The following TPTE2 variants were observed in gnomAD, a reference collection of about 807,000 sequenced individuals.
The protein encoded by TPTE2 is phosphatidylinositol 3,4,5-trisphosphate 3-phosphatase TPTE2.
Under a neutral mutation model 78.6 loss-of-function variants are expected in TPTE2, and 53 were observed. That is an observed-to-expected ratio of 0.67 (90% confidence interval 0.54 to 0.85). The LOEUF (loss-of-function observed/expected upper bound fraction) is 0.85. Among genes scored for constraint, TPTE2 ranks in the 40% least tolerant of loss-of-function variants. The pLI is 0.00. For missense variants in TPTE2, 461 were observed against 623.0 expected, an observed-to-expected ratio of 0.74 and a Z score of 2.77; for synonymous variants, 175 against 206.2, an observed-to-expected ratio of 0.85 and a Z score of 1.30.
At chr13:19,541,583 G>A (rs1224836026), upstream of TPTE2, among the ~76,000 whole-genome samples, 1 of 152,144 alleles carries the variant, frequency 6.6e-6, no homozygotes, top group Non-Finnish European at 1.5e-5. Context: ...TAGGCTTTTT[G>A]TAAATGCCAC....
chr13:19,538,574 G>A (rs537278569), upstream of TPTE2, among the ~76,000 whole-genome samples: 1 of 150,468 alleles, frequency 6.6e-6, no homozygotes, highest in South Asian at 2.1e-4. Context: ...TGTTGCCCAG[G>A]ATGGAGTGCA....
At chr13:19,444,055 T>C (rs1444664413) in intron 13 of TPTE2, among the ~76,000 whole-genome samples, 1 of 151,750 alleles carries the variant, frequency 6.6e-6, no homozygotes, top group African/African-American at 2.4e-5. Context: ...TCCTAGCACT[T>C]TGGGAGGCGG....
intron 13 of TPTE2, among the ~76,000 whole-genome samples, chr13:19,439,405 G>A (rs1451106308): frequency 6.6e-6 from 1 of 151,614 alleles, no homozygotes; most frequent in Non-Finnish European, 1.5e-5. Context: ...CTAGGGAGAA[G>A]GGAAAGGGAA....
chr13:19,504,844 CTT>C (rs1278092574), upstream of TPTE2, among the ~76,000 whole-genome samples: 1 of 151,980 alleles, frequency 6.6e-6, no homozygotes, highest in Non-Finnish European at 1.5e-5. Context: ...TCTCTTTTCT[CTT>C]TCTCTCCCTT....
chr13:19,428,266 T>C (rs2497227), intron 17 of TPTE2, among the ~76,000 whole-genome samples: 143,237 of 152,052 alleles, frequency 0.94, 68,073 homozygotes, highest in East Asian at 1. Flanking sequence ...CTGACCAACA[T>C]GGAGAAACCC....
exon 8 of TPTE2, chr13:19,465,495 T>C: frequency 2.5e-6 from 4 of 1,610,620 alleles, no homozygotes; most frequent in South Asian, 1.1e-5. Flanking sequence ...CAAGTTGTCT[T>C]TTTTGATGAA....
intron 4 of TPTE2, among the ~76,000 whole-genome samples, chr13:19,479,434 T>C (rs1349582443): frequency 1.3e-5 from 2 of 151,904 alleles, no homozygotes; most frequent in Non-Finnish European, 2.9e-5. Flanking sequence ...TGCATATCAA[T>C]AAAAAATGCA....
chr13:19,480,759 T>C (rs567056325), intron 4 of TPTE2, among the ~76,000 whole-genome samples: 13 of 152,312 alleles, frequency 8.5e-5, no homozygotes, highest in African/African-American at 3.1e-4. Context: ...GGGAGAAATG[T>C]ACACTTTGCA....
chr13:19,545,941 G>A, the TPTE2 span, among the ~76,000 whole-genome samples: 4 of 152,272 alleles, frequency 2.6e-5, no homozygotes, highest in East Asian at 7.7e-4. Context: ...ACTTTGGGAG[G>A]CTGAGGCAGG....
chr13:19,511,807 G>C (rs2137696200), intron 1 of TPTE2, among the ~76,000 whole-genome samples: 1 of 152,070 alleles, frequency 6.6e-6, no homozygotes, highest in African/African-American at 2.4e-5. Context: ...GGTAGGAATA[G>C]CTCTCCTTAT....
chr13:19,560,857 G>A, the TPTE2 span: 1 of 1,560,476 alleles, frequency 6.4e-7, no homozygotes. Context: ...TGGTGAAGCG[G>A]CAGGCCTGAC....
chr13:19,450,516 T>C (rs1165769026), intron 11 of TPTE2, among the ~76,000 whole-genome samples, 172 bp from the exon 15 acceptor site: 1 of 152,214 alleles, frequency 6.6e-6, no homozygotes, highest in Non-Finnish European at 1.5e-5. Context: ...AACGTAAGGA[T>C]GGTAGTGGTT....
intron 10 of TPTE2, among the ~76,000 whole-genome samples, chr13:19,451,632 GTCTA>G (rs1424483081): frequency 3.3e-5 from 5 of 152,034 alleles, no homozygotes; most frequent in Admixed American, 6.6e-5. Context: ...GCATATTACA[GTCTA>G]TCTAAGCACT....
chr13:19,549,915 A>G, the TPTE2 span, among the ~76,000 whole-genome samples: 50 of 98,568 alleles, frequency 5.1e-4, no homozygotes, highest in African/African-American at 1.3e-3. Flanking sequence ...AAAACCAAAT[A>G]CTGCATTCCT....
intron 17 of TPTE2, 125 bp downstream of exon 20, chr13:19,430,343 G>A: frequency 2.8e-6 from 2 of 727,216 alleles, no homozygotes; most frequent in Non-Finnish European, 4.6e-6. Context: ...AAGTTGTATG[G>A]TAACCAGAAA....
chr13:19,506,434 A>G (rs1265620473), upstream of TPTE2, among the ~76,000 whole-genome samples: 8 of 152,064 alleles, frequency 5.3e-5, no homozygotes, highest in Middle Eastern at 3.4e-3. Flanking sequence ...TGGCCTCCCA[A>G]AGTGCTGGGA....
intron 1 of TPTE2, among the ~76,000 whole-genome samples, chr13:19,498,797 A>T (rs1217138722): frequency 5.3e-5 from 8 of 152,246 alleles, no homozygotes; most frequent in African/African-American, 1.9e-4. Context: ...CACACATAAC[A>T]ATATTAACTT....
rs753804222 is a variant in TPTE2, at chr13:19,425,025, G to A, written c.1396-8C>T. 1.8e-5 allele frequency: 27 copies of A among 1,471,258 alleles called. No individual in the cohort carries two copies. The African/African-American group carries it at 2.2e-4, about 12-fold the overall frequency. 91.1% of individuals were successfully genotyped at this position (1,471,258 alleles called of 1,614,324 possible). A position where few individuals can be genotyped will look rare whatever the true frequency, so the allele number is the denominator to read the frequency against. ...ATAGTATTTAGGAAGATTCTAAAAA[G>A]AAAAAAAATTTCAAAGTAAAACTGA... On this transcript the variant is annotated splice_region_variant and splice_polypyrimidine_tract_variant and intron_variant, in intron 18 of 19. Coordinates refer to ENST00000400230, the Ensembl canonical transcript of TPTE2.
intron 17 of TPTE2, 28 bp downstream of exon 20, chr13:19,430,440 T>G (rs1408153187): frequency 6.4e-7 from 1 of 1,557,140 alleles, no homozygotes; most frequent in Non-Finnish European, 8.8e-7. Context: ...AAACATCAGA[T>G]TTTTTCAATT....
Sources: gnomAD v4.1 joint callset for allele counts (sites outside exome capture counted in the v4.1 genomes callset) on GRCh38, gnomAD v4.1.1 for gene constraint, MANE v1.5 for transcripts, NCBI Gene and HGNC (gene_info 2026-07-23, HGNC 2026-07-21) for gene names.